METTL9: variants seen among roughly 807,000 people sequenced by gnomAD.
The protein encoded by METTL9 is methyltransferase 9, His-X-His N1(pi)-histidine, also known as protein-L-histidine N-pros-methyltransferase.
A neutral mutation model predicts 36.0 loss-of-function variants in METTL9; 10 were observed. The ratio of observed to expected loss-of-function variants is 0.28; its 90% CI spans 0.17 to 0.47. The LOEUF (loss-of-function observed/expected upper bound fraction) is 0.47. Among genes scored for constraint, METTL9 ranks in the 20% least tolerant of loss-of-function variants. METTL9 has a pLI of 0.99. For synonymous variants in METTL9, 175 were observed against 149.7 expected, an observed-to-expected ratio of 1.17 and a Z score of -1.23; for missense variants, 246 against 383.5, an observed-to-expected ratio of 0.64 and a Z score of 3.00.
intron 4 of METTL9, chr16:21,625,381 CTG>C: frequency 4.4e-6 from 2 of 451,032 alleles, no homozygotes; most frequent in South Asian, 5.0e-5. Flanking sequence ...AAAAATGCAA[CTG>C]TATCTCTGGT....
chr16:21,635,485 G>A (rs1476268811), intron 4 of METTL9, among the ~76,000 whole-genome samples: 1 of 149,416 alleles, frequency 6.7e-6, no homozygotes, highest in Admixed American at 6.6e-5. Context: ...GTGTATTCTC[G>A]TGTATTCTCC....
At chr16:21,628,330 A>G (rs1276629760) in intron 4 of METTL9, among the ~76,000 whole-genome samples, 1 of 152,172 alleles carries the variant, frequency 6.6e-6, no homozygotes, top group Non-Finnish European at 1.5e-5. Context: ...GAAATTGGCA[A>G]ACACTGCAAA....
chr16:21,636,885 G>A (rs570660868), intron 4 of METTL9, among the ~76,000 whole-genome samples: 13 of 152,274 alleles, frequency 8.5e-5, no homozygotes, highest in Admixed American at 2.0e-4. Flanking sequence ...GGTACTTACC[G>A]CTTGGCGATA....
chr16:21,625,040 AGAAGTGTCTTG>A lies in METTL9; in HGVS notation c.679_689del (p.Ser227AlafsTer3), dbSNP rs779581061. On this transcript the variant is annotated frameshift_variant, in exon 4 of 5. Transcript: ENST00000358154. LOFTEE classifies it high-confidence loss of function. ...GCCCCTGACTTTGTTAAAAGATATC[AGAAGTGTCTTG>A]GAGCCAACTAGAGGCAGGGTCATCC... The A allele has an allele frequency of 6.2e-7, 1 of 1,614,206 alleles. No homozygotes were observed. The highest frequency in any genetic ancestry group is 8.5e-7 in the Non-Finnish European group (1 of 1,180,040).
chr16:21,637,200 A>G (rs367866255), intron 4 of METTL9, among the ~76,000 whole-genome samples: 2 of 152,044 alleles, frequency 1.3e-5, no homozygotes, highest in South Asian at 4.1e-4. Flanking sequence ...TGATTGGTCC[A>G]TTTTACAGAG....
intron 1 of METTL9, among the ~76,000 whole-genome samples, chr16:21,603,530 T>C (rs1209432890): frequency 1.3e-5 from 2 of 152,178 alleles, no homozygotes; most frequent in Non-Finnish European, 2.9e-5. Flanking sequence ...CTAGTAGATA[T>C]TGTCACTTTG....
At chr16:21,628,972 C>T (rs1965878590) in intron 4 of METTL9, among the ~76,000 whole-genome samples, 1 of 151,070 alleles carries the variant, frequency 6.6e-6, no homozygotes, top group Non-Finnish European at 1.5e-5. Flanking sequence ...TTACTCACTG[C>T]AACCTCCGCC....
rs531224612 is a variant in METTL9, at chr16:21,631,760, C to A, written c.751+6645C>A. On this transcript the variant is annotated intron_variant, in intron 4 of 4. Coordinates refer to ENST00000358154, the MANE Select transcript of METTL9 (RefSeq NM_016025.5). ...CAGTGGCCTCAGTGCTTTCGCGCTACGCCCTTGTTTACACTGACAACAAGG... is the reference window on the plus strand; with the variant it reads ...CAGTGGCCTCAGTGCTTTCGCGCTAAGCCCTTGTTTACACTGACAACAAGG... Among the ~76,000 whole-genome samples, 29 of 152,306 alleles carry A rather than the reference C, an allele frequency of 1.9e-4. No homozygotes were observed. In the East Asian group the frequency reaches 3.5e-3, roughly 18 times the overall value.
rs1966693015 is a variant in METTL9, at chr16:21,655,760, G to A, written c.*328G>A. On this transcript the variant is annotated 3_prime_UTR_variant, in exon 5 of 5. Transcript: ENST00000358154. ...CATTCCCAGACAAAGCAATAGTCAC[G>A]ACTTCATGGAACCAATCAATGGATT... is the stretch of plus-strand genomic sequence containing the variant. 4.5e-6 allele frequency: 1 copy of A among 223,542 alleles called. No individual in the cohort carries two copies. The highest frequency in any genetic ancestry group is 5.1e-5 in the Admixed American group (1 of 19,556). 13.8% of individuals were successfully genotyped at this position (223,542 alleles called of 1,614,324 possible). A position where few individuals can be genotyped will look rare whatever the true frequency, so the allele number is the denominator to read the frequency against.
At chr16:21,629,411 CTG>C (rs1965890066) in intron 4 of METTL9, among the ~76,000 whole-genome samples, 1 of 152,138 alleles carries the variant, frequency 6.6e-6, no homozygotes, top group African/African-American at 2.4e-5. Flanking sequence ...GGTCAGCAGC[CTG>C]TACCTAGAAA....
intron 4 of METTL9, among the ~76,000 whole-genome samples, chr16:21,637,052 G>T (rs902149944): frequency 6.6e-6 from 1 of 152,150 alleles, no homozygotes; most frequent in Non-Finnish European, 1.5e-5. Flanking sequence ...CGGACCCAAA[G>T]AGTGAGCAGC....
intron 3 of METTL9, among the ~76,000 whole-genome samples, chr16:21,621,761 A>G (rs955442561): frequency 2.6e-5 from 4 of 152,184 alleles, no homozygotes; most frequent in African/African-American, 9.7e-5. Context: ...TTTTTACAGC[A>G]AGACAGTTTT....
upstream of METTL9, chr16:21,597,401 G>C: frequency 8.2e-6 from 6 of 729,250 alleles, no homozygotes; most frequent in South Asian, 8.8e-5. Flanking sequence ...GCATGGGTTT[G>C]AGTGTTTGGT....
At chr16:21,614,176 T>G (rs920004606) in intron 2 of METTL9, among the ~76,000 whole-genome samples, 1 of 152,224 alleles carries the variant, frequency 6.6e-6, no homozygotes, top group African/African-American at 2.4e-5. Flanking sequence ...TTGATACAAC[T>G]TGGTCTGACA....
intron 1 of METTL9, among the ~76,000 whole-genome samples, chr16:21,607,662 C>T (rs546473272): frequency 2.6e-5 from 4 of 152,128 alleles, no homozygotes; most frequent in Non-Finnish European, 5.9e-5. Flanking sequence ...TTAGATGAAA[C>T]AACATTTGAG....
chr16:21,639,218 G>A (rs1162392828), intron 4 of METTL9, among the ~76,000 whole-genome samples: 4 of 152,162 alleles, frequency 2.6e-5, no homozygotes, highest in South Asian at 2.1e-4. Flanking sequence ...AACTCTTTGC[G>A]AAAGTATATT....
At chr16:21,628,379 C>T (rs372753596) in intron 4 of METTL9, among the ~76,000 whole-genome samples, 10 of 152,266 alleles carry the variant, frequency 6.6e-5, no homozygotes, top group African/African-American at 2.2e-4. Flanking sequence ...TACACATTTA[C>T]CAGCACACCA....
At chr16:21,624,464 C>T (rs1965775506) in intron 3 of METTL9, among the ~76,000 whole-genome samples, 1 of 152,150 alleles carries the variant, frequency 6.6e-6, no homozygotes, top group African/African-American at 2.4e-5. Context: ...TGGTAGCTCA[C>T]ACCTGTAATC....
intron 4 of METTL9, among the ~76,000 whole-genome samples, chr16:21,630,121 A>C (rs1238888569): frequency 6.6e-6 from 1 of 152,198 alleles, no homozygotes; most frequent in African/African-American, 2.4e-5. Flanking sequence ...AAAGTTCTCC[A>C]GGTCCCCACC....
Sources: gnomAD v4.1 joint callset for allele counts (sites outside exome capture counted in the v4.1 genomes callset) on GRCh38, gnomAD v4.1.1 for gene constraint, MANE v1.5 for transcripts, NCBI Gene and HGNC (gene_info 2026-07-23, HGNC 2026-07-21) for gene names.